The following ARHGAP26 variants were observed in gnomAD, a reference collection of about 807,000 sequenced individuals.
The protein encoded by ARHGAP26 is rho GTPase-activating protein 26.
In ARHGAP26, 38 loss-of-function variants were observed where a neutral mutation model predicts 104.8. The ratio of observed to expected loss-of-function variants is 0.36; its 90% CI spans 0.28 to 0.48. ARHGAP26 has a LOEUF of 0.48. Among genes scored for constraint, ARHGAP26 ranks in the 20% least tolerant of loss-of-function variants. The pLI is 0.99. For missense variants in ARHGAP26, 704 were observed against 947.9 expected (o/e 0.74, Z 3.38); for synonymous variants, 341 against 340.0 (o/e 1.00, Z -0.03).
chr5:143,190,893 G>A (rs979321691), intron 20 of ARHGAP26, among the ~76,000 whole-genome samples: 3 of 152,152 alleles, frequency 2.0e-5, no homozygotes, highest in African/African-American at 4.8e-5. Flanking sequence ...CCAGAACATG[G>A]GTGAACTTCA....
chr5:142,859,834 A>T (rs755988877), intron 1 of ARHGAP26: 8 of 152,270 alleles, frequency 5.3e-5, no homozygotes, highest in Admixed American at 2.6e-4. Flanking sequence ...GGGAAATAAC[A>T]TGAGGAAGAA....
chr5:142,862,461 A>G (rs974517235), intron 1 of ARHGAP26, among the ~76,000 whole-genome samples: 1 of 152,210 alleles, frequency 6.6e-6, no homozygotes, highest in Non-Finnish European at 1.5e-5. Flanking sequence ...AAGTTTTACA[A>G]TTATTTTGGT....
At chr5:142,920,907 G>A (rs1432461471) in intron 10 of ARHGAP26, among the ~76,000 whole-genome samples, 1 of 152,202 alleles carries the variant, frequency 6.6e-6, no homozygotes, top group African/African-American at 2.4e-5. Flanking sequence ...TCTTACAGGG[G>A]ACGATGGCAT....
intron 1 of ARHGAP26, among the ~76,000 whole-genome samples, chr5:142,825,983 A>C (rs943083359): frequency 6.6e-6 from 1 of 152,210 alleles, no homozygotes; most frequent in African/African-American, 2.4e-5. Flanking sequence ...AGAGATGATG[A>C]GGAAGCAAAG....
intron 17 of ARHGAP26, among the ~76,000 whole-genome samples, chr5:143,098,383 A>G (rs1162644848): frequency 6.6e-6 from 1 of 152,146 alleles, no homozygotes; most frequent in Non-Finnish European, 1.5e-5. Flanking sequence ...TATTTTGTAC[A>G]AGTATGTTAC....
At chr5:142,904,881 T>C (rs921766481) in intron 8 of ARHGAP26, among the ~76,000 whole-genome samples, 2 of 152,178 alleles carry the variant, frequency 1.3e-5, no homozygotes, top group African/African-American at 4.8e-5. Context: ...AGCTTTCCGA[T>C]GGGATAGAAT....
rs143909975 is a variant in ARHGAP26 at position 142,832,180 on chromosome 5, T to A, written c.155-41220T>A. 6.5e-3 allele frequency among the ~76,000 whole-genome samples: 992 copies of A among 152,350 alleles called. 9 individuals are homozygous for A. The highest frequency in any genetic ancestry group is 0.031 in the Middle Eastern group (9 of 294). ...GTCCCCTGGTGAGTGAAGTGTTATC[T>A]GTTTCCCTCTAATAAATGCTATGGA... On this transcript the variant is annotated intron_variant, in intron 1 of 22. Transcript: ENST00000645722.
chr5:143,086,465 T>TC, intron 17 of ARHGAP26, among the ~76,000 whole-genome samples: 1 of 152,164 alleles, frequency 6.6e-6, no homozygotes, highest in Non-Finnish European at 1.5e-5. Context: ...AACTTGGGAC[T>TC]CCATCTTTAT....
At chr5:142,872,015 A>G (rs1003693167) in intron 1 of ARHGAP26, among the ~76,000 whole-genome samples, 4 of 152,222 alleles carry the variant, frequency 2.6e-5, no homozygotes, top group African/African-American at 7.2e-5. Flanking sequence ...CTGTCCATGC[A>G]GTAGCTTGAG....
chr5:142,921,810 G>T (rs1763228024), intron 10 of ARHGAP26: 2 of 152,300 alleles, frequency 1.3e-5, no homozygotes, highest in Admixed American at 1.3e-4. Context: ...TCTGAAGGTG[G>T]AACACACTAA....
At chr5:142,804,902 G>A (rs989049413) in intron 1 of ARHGAP26, among the ~76,000 whole-genome samples, 1 of 151,956 alleles carries the variant, frequency 6.6e-6, no homozygotes, top group African/African-American at 2.4e-5. Flanking sequence ...TTTTGTATGT[G>A]GGCCATTTCT....
intron 12 of ARHGAP26, among the ~76,000 whole-genome samples, chr5:143,034,675 T>G (rs1782358525): frequency 6.6e-6 from 1 of 152,138 alleles, no homozygotes; most frequent in Admixed American, 6.5e-5. Context: ...ATACACAGCT[T>G]TGTAAATACT....
intron 10 of ARHGAP26, among the ~76,000 whole-genome samples, chr5:142,914,584 C>G (rs573035760): frequency 6.6e-6 from 1 of 152,148 alleles, no homozygotes; most frequent in Non-Finnish European, 1.5e-5. Flanking sequence ...TTGCTAATAG[C>G]TTATCCTGCG....
chr5:142,813,180 A>G (rs1764456512), intron 1 of ARHGAP26, among the ~76,000 whole-genome samples: 1 of 152,070 alleles, frequency 6.6e-6, no homozygotes, highest in Non-Finnish European at 1.5e-5. Context: ...TGACCTCGTG[A>G]TCCACCCGCC....
Position 143,121,083 on chromosome 5 carries a change from C to T in ARHGAP26, c.1634C>T (p.Ala545Val). ...CTGAGGCCTCAGGAAGAAACAGTAG[C>T]AGCCATCATGGACATCAAATTTCAG... Reference protein sequence around the residue: ...TLLRPQEETVAAIMDIKFQNI... With the variant: ...TLLRPQEETVVAIMDIKFQNI... Residue 545 changes from alanine to valine, a missense_variant, in exon 18 of 23, where the codon GCA becomes GTA. Ala to Val is a moderately conservative substitution (Grantham distance 64). Coordinates refer to ENST00000645722, the MANE Select transcript of ARHGAP26 (RefSeq NM_001135608.3). 2 of 1,613,634 alleles carry T rather than the reference C, an allele frequency of 1.2e-6. No individual in the cohort carries two copies. The highest frequency in any genetic ancestry group is 1.7e-6 in the Non-Finnish European group (2 of 1,179,682).
At chr5:142,815,601 T>C (rs1182021646) in intron 1 of ARHGAP26, among the ~76,000 whole-genome samples, 2 of 152,210 alleles carry the variant, frequency 1.3e-5, no homozygotes, top group Non-Finnish European at 2.9e-5. Context: ...TGCCACCTTC[T>C]AGCACCTTCC....
chr5:143,042,932 T>G (rs1783691081), intron 14 of ARHGAP26, among the ~76,000 whole-genome samples: 1 of 151,804 alleles, frequency 6.6e-6, no homozygotes, highest in Admixed American at 6.6e-5. Context: ...AGTATCTGGG[T>G]TTTTTTTGGT....
At chr5:142,976,396 A>G (rs1773093125) in intron 11 of ARHGAP26, among the ~76,000 whole-genome samples, 2 of 152,246 alleles carry the variant, frequency 1.3e-5, no homozygotes, top group African/African-American at 4.8e-5. Flanking sequence ...TATCGGCTAA[A>G]GGAAGGACAG....
chr5:143,158,993 G>A (rs1800858769), intron 20 of ARHGAP26, among the ~76,000 whole-genome samples: 1 of 152,224 alleles, frequency 6.6e-6, no homozygotes, highest in Non-Finnish European at 1.5e-5. Context: ...ATTAACAAAA[G>A]AGTTGGTGCC....
Sources: allele counts gnomAD v4.1 joint callset (sites outside exome capture counted in the v4.1 genomes callset), GRCh38; gene constraint gnomAD v4.1.1; transcripts MANE v1.5; gene names NCBI Gene and HGNC (gene_info 2026-07-23, HGNC 2026-07-21).